Variants in RBM47 observed in about 807,000 individuals in gnomAD.
The protein encoded by RBM47 is RNA binding motif protein 47, also known as RNA-binding protein 47.
RBM47 carries 21 observed loss-of-function variants against 47.1 expected under a neutral mutation model. The observed-to-expected ratio is 0.45, with a 90% CI of 0.32 to 0.64. The LOEUF is 0.64. RBM47 is among the 30% of genes least tolerant of loss of function. The pLI, the probability that RBM47 is intolerant of heterozygous loss-of-function variation, is 0.05. For synonymous variants in RBM47, 375 were observed against 361.7 expected, an observed-to-expected ratio of 1.04 and a Z score of -0.42; for missense variants, 708 against 870.9, an observed-to-expected ratio of 0.81 and a Z score of 2.35.
At chr4:40,603,383 GA>G (rs1560500025) in intron 1 of RBM47, among the ~76,000 whole-genome samples, 1 of 152,136 alleles carries the variant, frequency 6.6e-6, no homozygotes, top group African/African-American at 2.4e-5. Flanking sequence ...CCAGTATGGG[GA>G]TATTTTTAAT....
chr4:40,562,802 A>T (rs1358200446), intron 1 of RBM47, among the ~76,000 whole-genome samples: 2 of 152,114 alleles, frequency 1.3e-5, no homozygotes. Context: ...ACTATTCCCT[A>T]GAAGCAAAAA....
At chr4:40,467,594 T>A (rs796917026) in intron 2 of RBM47, among the ~76,000 whole-genome samples, 20 of 152,064 alleles carry the variant, frequency 1.3e-4, no homozygotes, top group African/African-American at 4.6e-4. Context: ...CTCGGCAGAG[T>A]CAAGACTCTT....
At chr4:40,500,762 G>C (rs1723251620) in intron 2 of RBM47, among the ~76,000 whole-genome samples, 1 of 152,144 alleles carries the variant, frequency 6.6e-6, no homozygotes, top group South Asian at 2.1e-4. Context: ...GGTAGTTTAA[G>C]TCATTTTAAA....
intron 2 of RBM47, among the ~76,000 whole-genome samples, chr4:40,471,477 C>A (rs1718862638): frequency 6.6e-6 from 1 of 152,080 alleles, no homozygotes; most frequent in Non-Finnish European, 1.5e-5. Flanking sequence ...GTAGACAGAT[C>A]ACCTGAGGTC....
At chr4:40,574,601 G>C (rs867090844) in intron 1 of RBM47, among the ~76,000 whole-genome samples, 1 of 152,200 alleles carries the variant, frequency 6.6e-6, no homozygotes, top group African/African-American at 2.4e-5. Context: ...TGTAATCCCA[G>C]CACTTTGGGA....
intron 1 of RBM47, among the ~76,000 whole-genome samples, chr4:40,608,933 C>T (rs1449646577): frequency 2.0e-5 from 3 of 152,174 alleles, no homozygotes; most frequent in Non-Finnish European, 4.4e-5. Flanking sequence ...AACGAGATGA[C>T]ACGAAACATG....
At chr4:40,496,225 A>C (rs1392338488) in intron 2 of RBM47, among the ~76,000 whole-genome samples, 1 of 152,176 alleles carries the variant, frequency 6.6e-6, no homozygotes, top group Non-Finnish European at 1.5e-5. Flanking sequence ...TGTGTGGGTT[A>C]TGCAGTGGCT....
rs563527637 is a variant in RBM47 at position 40,438,120 on chromosome 4, G to A, written c.774C>T (p.Thr258=). Residue 258 remains threonine (T), a synonymous_variant, in exon 4 of 7, where the codon ACC becomes ACT. Coordinates refer to ENST00000295971, the MANE Select transcript of RBM47 (RefSeq NM_001098634.2). ...LYVRNLMIET[T]EDTIKKSFGQ... is the part of the protein sequence containing the mutation. ...CGAAGCTCTTCTTGATGGTGTCCTCGGTGGTCTCGATCATGAGGTTGCGCA... is the reference window on the plus strand; with the variant it reads ...CGAAGCTCTTCTTGATGGTGTCCTCAGTGGTCTCGATCATGAGGTTGCGCA... 4 of 1,613,414 alleles carry A rather than the reference G, an allele frequency of 2.5e-6. No individual in the cohort carries two copies. The highest frequency in any genetic ancestry group is 3.4e-6 in the Non-Finnish European group (4 of 1,180,020).
At chr4:40,453,385 G>A (rs1456024839) in intron 3 of RBM47, among the ~76,000 whole-genome samples, 9 of 152,168 alleles carry the variant, frequency 5.9e-5, no homozygotes, top group African/African-American at 1.7e-4. Context: ...GAATAAGCCA[G>A]CTATCACATG....
chr4:40,426,714 T>C (rs1317345961), intron 6 of RBM47: 2 of 151,082 alleles, frequency 1.3e-5, no homozygotes, highest in African/African-American at 2.4e-5. Flanking sequence ...GTTATGTAAA[T>C]AGTTGTTATA....
intron 1 of RBM47, among the ~76,000 whole-genome samples, chr4:40,607,764 C>T (rs1245399033): frequency 6.6e-6 from 1 of 151,758 alleles, no homozygotes; most frequent in Non-Finnish European, 1.5e-5. Flanking sequence ...GTGGTGGTTG[C>T]ACAACTTTGT....
At chr4:40,586,138 C>G (rs1032509702) in intron 1 of RBM47, among the ~76,000 whole-genome samples, 1 of 152,024 alleles carries the variant, frequency 6.6e-6, no homozygotes, top group Non-Finnish European at 1.5e-5. Context: ...TAGCATAAAT[C>G]CCCCCACCCT....
At position 40,523,046 on chromosome 4, in the gene RBM47, A is replaced by G. The variant is rs1726354012; in HGVS notation, c.-155+21376T>C. 2.0e-5 allele frequency among the ~76,000 whole-genome samples: 3 copies of G among 148,942 alleles called. No homozygotes were observed. In the South Asian group the frequency reaches 6.4e-4, roughly 32 times the overall value. On this transcript the variant is annotated intron_variant, in intron 2 of 6. Transcript: ENST00000295971. ...AGTGGTATGATCTCGGCTCACTGCA[A>G]CCTCTGCCTCCGGGGTTCAAGCGAT...
intron 3 of RBM47, among the ~76,000 whole-genome samples, chr4:40,455,912 G>A (rs1165024554): frequency 6.6e-6 from 1 of 152,106 alleles, no homozygotes; most frequent in Non-Finnish European, 1.5e-5. Flanking sequence ...TTAATTATCT[G>A]CCTGGCAAGA....
intron 3 of RBM47, among the ~76,000 whole-genome samples, chr4:40,461,741 C>T (rs1717168435): frequency 6.6e-6 from 1 of 152,100 alleles, no homozygotes; most frequent in Non-Finnish European, 1.5e-5. Flanking sequence ...CCAGCTATGG[C>T]TAACATGGAG....
At chr4:40,595,721 C>T (rs544024506) in intron 1 of RBM47, among the ~76,000 whole-genome samples, 1 of 151,904 alleles carries the variant, frequency 6.6e-6, no homozygotes, top group African/African-American at 2.4e-5. Context: ...AACCCTAAAC[C>T]TTTGTATATT....
Position 40,436,575 on chromosome 4 carries a change from C to T in RBM47, c.1196G>A (p.Gly399Glu). 2.5e-6 allele frequency: 4 copies of T among 1,614,188 alleles called. 1 individual carries two copies. The South Asian group carries it at 3.3e-5, about 13-fold the overall frequency. ...RAPGPRGSYL[G>E]GYSAGRGIYS... ...TATACCACGACCAGCAGAATATCCC[C>T]CGAGGTAGGAACCCCTAGGCCCTGG... The change falls in exon 5 of 7, where the codon GGG (glycine) becomes GAG (glutamate). Residue 399 changes from glycine to glutamate, a missense_variant. By Grantham distance (98) the Gly-to-Glu change is moderately conservative. Coordinates refer to ENST00000295971, the MANE Select transcript of RBM47 (RefSeq NM_001098634.2).
chr4:40,549,029 T>C (rs112550261), intron 1 of RBM47, among the ~76,000 whole-genome samples: 4,646 of 151,390 alleles, frequency 0.031, 107 homozygotes, highest in Non-Finnish European at 0.048. Flanking sequence ...ATTTCACTTA[T>C]CCTCATCAGG....
chr4:40,589,187 C>T (rs112033345), intron 1 of RBM47, among the ~76,000 whole-genome samples: 1,785 of 151,106 alleles, frequency 0.012, 38 homozygotes, highest in African/African-American at 0.037. Context: ...AGGCTGGTCT[C>T]GAACTCCTGA....
Sources: gnomAD v4.1 joint callset for allele counts (sites outside exome capture counted in the v4.1 genomes callset) on GRCh38, gnomAD v4.1.1 for gene constraint, MANE v1.5 for transcripts, NCBI Gene and HGNC (gene_info 2026-07-23, HGNC 2026-07-21) for gene names.